PDE4D: variants seen among roughly 807,000 people sequenced by gnomAD.
PDE4D encodes the protein phosphodiesterase 4D.
In PDE4D, 24 loss-of-function variants were observed where a neutral mutation model predicts 87.4. The ratio of observed to expected loss-of-function variants is 0.27; its 90% CI spans 0.20 to 0.39. The LOEUF (loss-of-function observed/expected upper bound fraction) is 0.39. PDE4D is among the 10% of genes least tolerant of loss of function. The pLI, the probability that PDE4D is intolerant of heterozygous loss-of-function variation, is 1.00. For missense variants in PDE4D, 714 were observed against 1,041.0 expected (o/e 0.69, Z 4.32); for synonymous variants, 384 against 383.2 (o/e 1.00, Z -0.02).
At chr5:59,958,077 AGGCTCTGATC>A (rs1160262793) in intron 3 of PDE4D, among the ~76,000 whole-genome samples, 1 of 152,160 alleles carries the variant, frequency 6.6e-6, no homozygotes, top group Non-Finnish European at 1.5e-5. Flanking sequence ...TATTGGTAAT[AGGCTCTGATC>A]TATCTTCTTT....
chr5:59,267,299 T>G (rs1381862805), intron 1 of PDE4D, among the ~76,000 whole-genome samples: 1 of 152,082 alleles, frequency 6.6e-6, no homozygotes, highest in Non-Finnish European at 1.5e-5. Flanking sequence ...AAAAACTCTG[T>G]GCCACATTGC....
chr5:59,886,087 T>G (rs1581595087), intron 1 of PDE4D, among the ~76,000 whole-genome samples: 1 of 152,238 alleles, frequency 6.6e-6, no homozygotes, highest in East Asian at 1.9e-4. Flanking sequence ...GGTTTCATTA[T>G]TATTTCCACA....
chr5:60,496,794 G>T (rs1749833447), intron 1 of PDE4D, among the ~76,000 whole-genome samples: 1 of 152,140 alleles, frequency 6.6e-6, no homozygotes, highest in Non-Finnish European at 1.5e-5. Flanking sequence ...GGAAGTAAAG[G>T]TAGCCTGAAA....
chr5:59,299,939 G>A (rs1468668547), intron 1 of PDE4D, among the ~76,000 whole-genome samples: 1 of 151,988 alleles, frequency 6.6e-6, no homozygotes, highest in Non-Finnish European at 1.5e-5. Flanking sequence ...GCGAAACCCT[G>A]TCTCTACAAA....
At chr5:59,254,645 T>C (rs1225467736) in intron 1 of PDE4D, among the ~76,000 whole-genome samples, 1 of 152,092 alleles carries the variant, frequency 6.6e-6, no homozygotes, top group East Asian at 1.9e-4. Flanking sequence ...ACATTTCTTC[T>C]TCTTTACATT....
chr5:59,072,233 G>A (rs1012683366), intron 5 of PDE4D, among the ~76,000 whole-genome samples: 1 of 152,068 alleles, frequency 6.6e-6, no homozygotes, highest in African/African-American at 2.4e-5. Flanking sequence ...TCTTGGGTTG[G>A]TGAATTCTCC....
intron 3 of PDE4D, among the ~76,000 whole-genome samples, chr5:59,926,419 CA>C (rs1015878895): frequency 6.6e-5 from 10 of 151,862 alleles, no homozygotes; most frequent in Admixed American, 5.9e-4. Flanking sequence ...ACTTCAAAAA[CA>C]AAAAACCCTA....
chr5:59,650,120 T>G (rs1386009828), intron 1 of PDE4D, among the ~76,000 whole-genome samples: 1 of 151,874 alleles, frequency 6.6e-6, no homozygotes, highest in African/African-American at 2.4e-5. Flanking sequence ...AAACAACATG[T>G]AATTTCAAAG....
At chr5:60,281,170 T>C (rs1751861207) in intron 1 of PDE4D, among the ~76,000 whole-genome samples, 1 of 151,928 alleles carries the variant, frequency 6.6e-6, no homozygotes, top group Non-Finnish European at 1.5e-5. Flanking sequence ...ACTTTCTCCA[T>C]ACATACAAGG....
chr5:59,191,199 T>C (rs1744217604), intron 3 of PDE4D, among the ~76,000 whole-genome samples: 1 of 152,118 alleles, frequency 6.6e-6, no homozygotes, highest in South Asian at 2.1e-4. Flanking sequence ...TTTTTTTTCC[T>C]TGGAGATTAT....
At chr5:59,433,465 A>G (rs1796390922) in intron 1 of PDE4D, among the ~76,000 whole-genome samples, 1 of 152,088 alleles carries the variant, frequency 6.6e-6, no homozygotes. Flanking sequence ...GTGGCCCTTA[A>G]GGGAAGAAAA....
chr5:60,218,631 A>G (rs1194957992), intron 1 of PDE4D, among the ~76,000 whole-genome samples: 1 of 152,096 alleles, frequency 6.6e-6, no homozygotes, highest in Non-Finnish European at 1.5e-5. Flanking sequence ...TTTCAAATGG[A>G]AAGTCTGTGA....
intron 4 of PDE4D, 115 bp downstream of exon 4, chr5:59,185,074 C>CA: frequency 1.4e-6 from 1 of 716,824 alleles, no homozygotes; most frequent in Non-Finnish European, 2.4e-6. Flanking sequence ...TTAGTATACA[C>CA]AGACAACATG....
intron 5 of PDE4D, among the ~76,000 whole-genome samples, chr5:59,175,009 T>G (rs1783600466): frequency 6.6e-6 from 1 of 152,208 alleles, no homozygotes; most frequent in African/African-American, 2.4e-5. Context: ...GATGTAACAT[T>G]TAATGAGATG....
chr5:59,384,136 A>C (rs1164966427), intron 1 of PDE4D, among the ~76,000 whole-genome samples: 3 of 151,944 alleles, frequency 2.0e-5, no homozygotes, highest in African/African-American at 7.3e-5. Context: ...GAACTCCTGG[A>C]CTCGAGCAAT....
intron 1 of PDE4D, among the ~76,000 whole-genome samples, chr5:60,373,256 C>T (rs1411750301): frequency 6.6e-6 from 1 of 152,188 alleles, no homozygotes; most frequent in Admixed American, 6.5e-5. Context: ...ATGCGGGCAT[C>T]TTTTGAAAAA....
intron 2 of PDE4D, among the ~76,000 whole-genome samples, chr5:60,009,801 T>C (rs1355526222): frequency 1.3e-5 from 2 of 152,112 alleles, no homozygotes; most frequent in African/African-American, 4.8e-5. Context: ...GTAAAACTGT[T>C]TAAGCTGATT....
intron 1 of PDE4D, among the ~76,000 whole-genome samples, chr5:60,317,555 C>T (rs201895265): frequency 9.9e-5 from 15 of 152,182 alleles, no homozygotes; most frequent in East Asian, 1.9e-4. Flanking sequence ...GCTCTTGCTT[C>T]TCTAGTTCTT....
chr5:59,647,080 T>C (rs1271127961), intron 1 of PDE4D, among the ~76,000 whole-genome samples: 1 of 152,130 alleles, frequency 6.6e-6, no homozygotes, highest in Non-Finnish European at 1.5e-5. Context: ...TTAACAAGTC[T>C]GTCATACTTG....
Sources: gnomAD v4.1 joint callset for allele counts (sites outside exome capture counted in the v4.1 genomes callset) on GRCh38, gnomAD v4.1.1 for gene constraint, MANE v1.5 for transcripts, NCBI Gene and HGNC (gene_info 2026-07-23, HGNC 2026-07-21) for gene names.